The following ABLIM2 variants were observed in gnomAD, a reference collection of about 807,000 sequenced individuals.
ABLIM2 encodes the protein actin-binding LIM protein 2.
In ABLIM2, 53 loss-of-function variants were observed where a neutral mutation model predicts 97.7. The observed-to-expected ratio is 0.54, with a 90% CI of 0.44 to 0.68. The LOEUF is 0.68. Among genes scored for constraint, ABLIM2 ranks in the 30% least tolerant of loss-of-function variants. The pLI is 0.00. For missense variants in ABLIM2, 835 were observed against 867.2 expected (o/e 0.96, Z 0.47); for synonymous variants, 361 against 345.8 (o/e 1.04, Z -0.49).
At chr4:7,993,353 C>T (rs1045094152) in intron 16 of ABLIM2, among the ~76,000 whole-genome samples, 1 of 152,244 alleles carries the variant, frequency 6.6e-6, no homozygotes, top group South Asian at 2.1e-4. Flanking sequence ...TGGAGGCCCA[C>T]CACCAAGCAC....
At chr4:8,088,083 GCCC>G (rs1824965388) in intron 4 of ABLIM2, 83 bp downstream of exon 4, 5 of 447,624 alleles carry the variant, frequency 1.1e-5, no homozygotes, top group Non-Finnish European at 1.4e-5. Context: ...CCCACTCAGC[GCCC>G]CCCAACTCAG....
rs981720723 is a variant in ABLIM2, at chr4:8,124,235, G to A, written c.11-17598C>T. ...CTAGCCAGCTCTGCAGAAGTGCTCG[G>A]TGCACACATCTGAAAATCATAACTT... On this transcript the variant is annotated intron_variant, in intron 1 of 20. Transcript: ENST00000447017. The surrounding 1 kb of genome is among the most constrained non-coding windows in gnomAD (Gnocchi z 6.1). Among the ~76,000 whole-genome samples the A allele has an allele frequency of 1.3e-5, 2 of 152,170 alleles. No individual in the cohort carries two copies. Among genetic ancestry groups the A allele is most frequent in the Non-Finnish European group, 2.9e-5 (2 of 68,034 alleles).
Position 8,029,640 on chromosome 4 carries a change from C to G in ABLIM2, c.1168+16G>C. 1 of 1,493,934 alleles carries G rather than the reference C, an allele frequency of 6.7e-7. No homozygotes were observed. The highest frequency in any genetic ancestry group is 9.0e-7 in the Non-Finnish European group (1 of 1,111,866). 92.5% of individuals were successfully genotyped at this position (1,493,934 alleles called of 1,614,324 possible). On this transcript the variant is annotated intron_variant, in intron 11 of 20. Coordinates refer to ENST00000447017, the MANE Select transcript of ABLIM2 (RefSeq NM_001130083.2). Reference sequence around the variant, plus strand: ...ACAGCATCCTGGGGGCTCAGAGGAACCAGGGGGCCAAGTACCTGGACGGCT... The same window carrying G: ...ACAGCATCCTGGGGGCTCAGAGGAAGCAGGGGGCCAAGTACCTGGACGGCT...
In ABLIM2 at chr4:8,072,068, C is replaced by T. The variant is rs944635533; in HGVS notation, c.675+5560G>A. 7 of 985,356 alleles carry T rather than the reference C, an allele frequency of 7.1e-6. No homozygotes were observed. The African/African-American group carries it at 1.2e-4, about 17-fold the overall frequency. 61.0% of individuals were successfully genotyped at this position (985,356 alleles called of 1,614,324 possible). ...CAGAGCTGTGCAGAGCCCGCCGACT[C>T]AGCCACGCCGCCACAGACTCGCCTC... On this transcript the variant is annotated intron_variant, in intron 6 of 20. Transcript: ENST00000447017. This position sits in a 1 kb window ranked among gnomAD's most constrained non-coding sequence, Gnocchi z 5.8.
Position 8,127,574 on chromosome 4 carries a change from A to G in ABLIM2, c.11-20937T>C. 1 of 1,289,664 alleles carries G rather than the reference A, an allele frequency of 7.8e-7. No individual in the cohort carries two copies. Among genetic ancestry groups the G allele is most frequent in the African/African-American group, 1.5e-5 (1 of 65,938 alleles). 79.9% of individuals were successfully genotyped at this position (1,289,664 alleles called of 1,614,324 possible). Reference sequence around the variant, plus strand: ...GTGTCTCCCCCTGGCACCCCCATGGAGCGTGGCTGCTTGCAAAGGGCCAGC... The same window carrying G: ...GTGTCTCCCCCTGGCACCCCCATGGGGCGTGGCTGCTTGCAAAGGGCCAGC... On this transcript the variant is annotated intron_variant, in intron 1 of 20. Transcript: ENST00000447017. The surrounding 1 kb of genome is among the most constrained non-coding windows in gnomAD (Gnocchi z 7.3).
chr4:8,153,393 T>A (rs183732197), intron 1 of ABLIM2, among the ~76,000 whole-genome samples: 2 of 152,200 alleles, frequency 1.3e-5, no homozygotes, highest in African/African-American at 4.8e-5. Flanking sequence ...AGTGGCCAGG[T>A]TAGGAAGGAA....
intron 3 of ABLIM2, among the ~76,000 whole-genome samples, chr4:8,090,052 G>T (rs989468942): frequency 6.6e-6 from 1 of 152,192 alleles, no homozygotes; most frequent in South Asian, 2.1e-4. Context: ...GTGTTCCTGG[G>T]TTCCCACTGG....
Position 8,043,829 on chromosome 4 carries a change from G to A in ABLIM2, c.900+1335C>T, listed in dbSNP as rs919509515. Among the ~76,000 whole-genome samples the A allele has an allele frequency of 6.6e-6, 1 of 152,212 alleles. No homozygotes were observed. Among genetic ancestry groups the A allele is most frequent in the African/African-American group, 2.4e-5 (1 of 41,460 alleles). On this transcript the variant is annotated intron_variant, in intron 9 of 20. Transcript: ENST00000447017. The surrounding 1 kb of genome is among the most constrained non-coding windows in gnomAD (Gnocchi z 4.8). ...CTGTGCTCACTGCCACCCAGGCAGC[G>A]CCTCAGTGAGCCCTGGACCGAAGGT...
intron 17 of ABLIM2, among the ~76,000 whole-genome samples, chr4:7,990,131 A>G (rs1747550319): frequency 6.6e-6 from 1 of 152,096 alleles, no homozygotes; most frequent in African/African-American, 2.4e-5. Flanking sequence ...GGCCTACATC[A>G]CTGACATGAT....
intron 1 of ABLIM2, among the ~76,000 whole-genome samples, chr4:8,121,009 A>G (rs1293662625): frequency 6.6e-6 from 1 of 152,230 alleles, no homozygotes; most frequent in East Asian, 1.9e-4. Flanking sequence ...TATAAAATCA[A>G]AAAACGATAG....
intron 9 of ABLIM2, among the ~76,000 whole-genome samples, chr4:8,040,835 C>G (rs1787946019): frequency 6.6e-6 from 1 of 152,166 alleles, no homozygotes; most frequent in Non-Finnish European, 1.5e-5. Context: ...GACCATGGTG[C>G]TTGGAGCACG....
intron 1 of ABLIM2, among the ~76,000 whole-genome samples, chr4:8,156,082 T>A (rs1715220842): frequency 6.6e-6 from 1 of 152,164 alleles, no homozygotes; most frequent in African/African-American, 2.4e-5. Flanking sequence ...GGGAATCTGA[T>A]CTGCCAGGCC....
In ABLIM2 at chr4:8,148,286, G is replaced by A. The variant is rs1293421308; in HGVS notation, c.10+10394C>T. Among the ~76,000 whole-genome samples, 1 of 152,202 alleles carries A rather than the reference G, an allele frequency of 6.6e-6. No individual in the cohort carries two copies. The highest frequency in any genetic ancestry group is 1.9e-4 in the East Asian group (1 of 5,184). Reference sequence around the variant, plus strand: ...GAGGGGAGAGGATGAGCTGGTGGATGAGAGGGCTGCAGCTGCAGGTGACCT... The same window carrying A: ...GAGGGGAGAGGATGAGCTGGTGGATAAGAGGGCTGCAGCTGCAGGTGACCT... On this transcript the variant is annotated intron_variant, in intron 1 of 20. Coordinates refer to ENST00000447017, the MANE Select transcript of ABLIM2 (RefSeq NM_001130083.2). This position sits in a 1 kb window ranked among gnomAD's most constrained non-coding sequence, Gnocchi z 6.7.
chr4:8,019,699 G>A lies in ABLIM2; in HGVS notation c.1370-28C>T. 1 of 1,595,928 alleles carries A rather than the reference G, an allele frequency of 6.3e-7. No individual in the cohort carries two copies. The highest frequency in any genetic ancestry group is 8.6e-7 in the Non-Finnish European group (1 of 1,165,514). Reference sequence around the variant, plus strand: ...GGGGAAGAAGAAAGAAAAAAAAGGAGAGAACAGGAGGGTAAGCAGCAAGTT... The same window carrying A: ...GGGGAAGAAGAAAGAAAAAAAAGGAAAGAACAGGAGGGTAAGCAGCAAGTT... On this transcript the variant is annotated intron_variant, in intron 13 of 20. Coordinates refer to ENST00000447017, the MANE Select transcript of ABLIM2 (RefSeq NM_001130083.2). This position sits in a 1 kb window ranked among gnomAD's most constrained non-coding sequence, Gnocchi z 4.3.
chr4:8,059,971 G>A (rs1036959837), intron 7 of ABLIM2, among the ~76,000 whole-genome samples: 4 of 150,994 alleles, frequency 2.6e-5, no homozygotes, highest in African/African-American at 4.9e-5. Flanking sequence ...CTGCCCCTGC[G>A]TGTCCTGTGT....
At chr4:8,157,764 C>A (rs1269395758) in intron 1 of ABLIM2, among the ~76,000 whole-genome samples, 27 of 152,262 alleles carry the variant, frequency 1.8e-4, no homozygotes, top group Non-Finnish European at 5.9e-5. Flanking sequence ...GTCAGTGAGC[C>A]CGGGGTTCGA....
chr4:8,154,799 AATAAAGAC>A (rs1227993069), intron 1 of ABLIM2, among the ~76,000 whole-genome samples: 28 of 152,332 alleles, frequency 1.8e-4, no homozygotes, highest in Admixed American at 1.7e-3. Context: ...TCATGCTGCC[AATAAAGAC>A]ATACCCAGGA....
intron 8 of ABLIM2, among the ~76,000 whole-genome samples, chr4:8,051,562 C>CAAAAAAA (rs36056609): frequency 9.3e-5 from 10 of 107,736 alleles, no homozygotes; most frequent in African/African-American, 1.4e-4. Context: ...GATTCCATCT[C>CAAAAAAA]AAAAAAAAAA....
chr4:8,047,183 C>T (rs924522542), intron 8 of ABLIM2, among the ~76,000 whole-genome samples: 2 of 152,168 alleles, frequency 1.3e-5, no homozygotes, highest in African/African-American at 4.8e-5. Context: ...GCCTGGGCAA[C>T]CCTGAGTGCA....
Sources: gnomAD v4.1 joint callset for allele counts (sites outside exome capture counted in the v4.1 genomes callset) on GRCh38, gnomAD v4.1.1 for gene constraint, Gnocchi (gnomAD v3.1) non-coding constraint, MANE v1.5 for transcripts, NCBI Gene and HGNC (gene_info 2026-07-23, HGNC 2026-07-21) for gene names.